Variants in ITFG1 observed in about 807,000 individuals in gnomAD.
ITFG1 encodes the protein integrin alpha FG-GAP repeat containing 1.
A neutral mutation model predicts 81.8 loss-of-function variants in ITFG1; 34 were observed. The ratio of observed to expected loss-of-function variants is 0.42; its 90% CI spans 0.32 to 0.55. The LOEUF (loss-of-function observed/expected upper bound fraction) is 0.55, where lower values mean the gene tolerates loss of function less well. ITFG1 is among the 20% of genes least tolerant of loss of function. ITFG1 has a pLI of 0.17. For missense variants in ITFG1, 672 were observed against 755.4 expected (o/e 0.89, Z 1.29); for synonymous variants, 285 against 270.6 (o/e 1.05, Z -0.52).
At chr16:47,310,797 C>A (rs145223847) in intron 10 of ITFG1, among the ~76,000 whole-genome samples, 3 of 152,192 alleles carry the variant, frequency 2.0e-5, no homozygotes, top group African/African-American at 7.2e-5. Context: ...GACAGAGGTA[C>A]AATTATTACA....
At chr16:47,260,443 T>C (rs2151542235) in intron 11 of ITFG1, 102 bp downstream of exon 11, 6 of 1,258,636 alleles carry the variant, frequency 4.8e-6, no homozygotes, top group Admixed American at 2.1e-5. Flanking sequence ...CATTTGCTTT[T>C]TGTTGTGTTG....
At chr16:47,235,887 GC>G (rs2151533342) in intron 13 of ITFG1, among the ~76,000 whole-genome samples, 1 of 152,316 alleles carries the variant, frequency 6.6e-6, no homozygotes, top group South Asian at 2.1e-4. Flanking sequence ...TTGTTTACAT[GC>G]TGATAAAATT....
chr16:47,315,305 T>C (rs1313772575), intron 8 of ITFG1, among the ~76,000 whole-genome samples: 2 of 151,342 alleles, frequency 1.3e-5, no homozygotes, highest in African/African-American at 2.4e-5. Flanking sequence ...GATAAACATA[T>C]ATCACAGCTT....
intron 14 of ITFG1, among the ~76,000 whole-genome samples, chr16:47,170,432 C>CTT (rs370502887): frequency 1.4e-5 from 2 of 142,964 alleles, no homozygotes; most frequent in African/African-American, 2.6e-5. Flanking sequence ...CTAGGGAACA[C>CTT]TTTTTTTTTT....
At chr16:47,252,502 A>G (rs1388303333) in intron 12 of ITFG1, among the ~76,000 whole-genome samples, 4 of 152,256 alleles carry the variant, frequency 2.6e-5, no homozygotes, top group Admixed American at 2.0e-4. Context: ...GTTCTAGACT[A>G]GAATTAAGAT....
chr16:47,370,332 C>T (rs1001308123), intron 7 of ITFG1, among the ~76,000 whole-genome samples: 4 of 152,118 alleles, frequency 2.6e-5, no homozygotes, highest in Non-Finnish European at 2.9e-5. Context: ...GGTGCTTTTC[C>T]GAGGCCGCCA....
At chr16:47,351,617 G>A (rs888611451) in intron 8 of ITFG1, among the ~76,000 whole-genome samples, 11 of 152,232 alleles carry the variant, frequency 7.2e-5, no homozygotes, top group Admixed American at 2.6e-4. Flanking sequence ...AATCAATATC[G>A]TGAACATTGC....
chr16:47,235,343 C>T (rs1965861585), intron 13 of ITFG1, among the ~76,000 whole-genome samples: 1 of 152,010 alleles, frequency 6.6e-6, no homozygotes, highest in Non-Finnish European at 1.5e-5. Context: ...TGATACAGGT[C>T]AAGAGACTAA....
chr16:47,401,315 G>A (rs993868027), intron 6 of ITFG1, among the ~76,000 whole-genome samples: 1 of 152,192 alleles, frequency 6.6e-6, no homozygotes, highest in Admixed American at 6.5e-5. Context: ...TGTGGGATAT[G>A]GGGTGAAATC....
chr16:47,429,852 G>A lies in ITFG1; in HGVS notation c.561-954C>T, dbSNP rs185571714. Among the ~76,000 whole-genome samples, 293 of 151,924 alleles carry A rather than the reference G, an allele frequency of 1.9e-3. 8 individuals are homozygous for A. The highest frequency in any genetic ancestry group is 0.018 in the Admixed American group (280 of 15,250). ...TCCATCCATTTATTTTTAGATACAC[G>A]GGTCTTACCTTTTTGCCCAGGCTAG... is the stretch of plus-strand genomic sequence containing the variant. On this transcript the variant is annotated intron_variant, in intron 5 of 17. Transcript: ENST00000320640.
chr16:47,402,945 T>G lies in ITFG1; in HGVS notation c.655+25859A>C, dbSNP rs532349474. 3.9e-5 allele frequency among the ~76,000 whole-genome samples: 6 copies of G among 152,228 alleles called. 1 individual carries two copies. Among genetic ancestry groups the G allele is most frequent in the Admixed American group, 3.9e-4 (6 of 15,284 alleles). ...CACAGAAATTCCAGTGTTATTCCTA[T>G]GCAATAACTAATATACTGCACTATT... On this transcript the variant is annotated intron_variant, in intron 6 of 17. Transcript: ENST00000320640.
At chr16:47,289,583 G>T (rs776576334) in intron 10 of ITFG1, among the ~76,000 whole-genome samples, 16 of 152,150 alleles carry the variant, frequency 1.1e-4, no homozygotes, top group Non-Finnish European at 1.8e-4. Flanking sequence ...TTGGTGGATT[G>T]TATGTGTACA....
chr16:47,425,436 C>T lies in ITFG1; in HGVS notation c.655+3368G>A, dbSNP rs571289326. 6.4e-4 allele frequency among the ~76,000 whole-genome samples: 98 copies of T among 152,240 alleles called. 1 individual carries two copies. Among genetic ancestry groups the T allele is most frequent in the African/African-American group, 2.1e-3 (88 of 41,560 alleles). On this transcript the variant is annotated intron_variant, in intron 6 of 17. Transcript: ENST00000320640. ...GACACCCCACCCTGCTTCAGCTTGC[C>T]CTCCTTGGGCTGCACCCACTGTCCA...
At chr16:47,246,287 CA>C (rs756137525) in intron 12 of ITFG1, among the ~76,000 whole-genome samples, 15 of 152,062 alleles carry the variant, frequency 9.9e-5, no homozygotes, top group Non-Finnish European at 1.6e-4. Flanking sequence ...TTAACTTTGC[CA>C]CATCTTTTCT....
chr16:47,292,879 C>T (rs935866386), intron 10 of ITFG1, among the ~76,000 whole-genome samples: 2 of 151,300 alleles, frequency 1.3e-5, no homozygotes, highest in Non-Finnish European at 2.9e-5. Context: ...TATTATTTTA[C>T]AATCTATGTC....
intron 6 of ITFG1, among the ~76,000 whole-genome samples, chr16:47,391,156 C>T (rs955562825): frequency 5.3e-5 from 8 of 151,998 alleles, no homozygotes; most frequent in Non-Finnish European, 8.8e-5. Context: ...GGGAAAGGGA[C>T]ATGGCAGAGA....
chr16:47,322,653 G>A (rs1469263245), intron 8 of ITFG1, among the ~76,000 whole-genome samples: 1 of 152,134 alleles, frequency 6.6e-6, no homozygotes, highest in Non-Finnish European at 1.5e-5. Context: ...TCATGCCACT[G>A]CACTCCAGCC....
intron 8 of ITFG1, among the ~76,000 whole-genome samples, chr16:47,345,558 A>G (rs1355460875): frequency 6.6e-6 from 1 of 152,138 alleles, no homozygotes. Context: ...CTTGGCCTCC[A>G]AAAGTGCTGG....
At chr16:47,426,019 T>G (rs1035977762) in intron 6 of ITFG1, 1 of 152,236 alleles carries the variant, frequency 6.6e-6, no homozygotes, top group South Asian at 2.1e-4. Flanking sequence ...CTGGTAACAT[T>G]TGAGTCCTTT....
Sources: allele counts gnomAD v4.1 joint callset (sites outside exome capture counted in the v4.1 genomes callset), GRCh38; gene constraint gnomAD v4.1.1; transcripts MANE v1.5; gene names NCBI Gene and HGNC (gene_info 2026-07-23, HGNC 2026-07-21).